SEL1L2: variants seen among roughly 807,000 people sequenced by gnomAD.
The protein encoded by SEL1L2 is SEL1L2 adaptor subunit of SYVN1 ubiquitin ligase.
In SEL1L2, 89 loss-of-function variants were observed where a neutral mutation model predicts 98.8. The ratio of observed to expected loss-of-function variants is 0.90; its 90% CI spans 0.76 to 1.07. The LOEUF is 1.07. SEL1L2 is among the 50% of genes least tolerant of loss of function. The probability of loss-of-function intolerance (pLI) is 0.00; values close to 1 mark genes in which losing one functional copy is unlikely to be tolerated. For missense variants in SEL1L2, 788 were observed against 812.0 expected (o/e 0.97, Z 0.36); for synonymous variants, 262 against 278.5 (o/e 0.94, Z 0.59).
In SEL1L2 at chr20:13,849,892, G is replaced by T. The variant is rs188156266; in HGVS notation, c.1948-288C>A. The T allele has an allele frequency of 1.0e-3, 565 of 540,240 alleles. 3 individuals carry two copies. Among genetic ancestry groups the T allele is most frequent in the Middle Eastern group, 6.1e-3 (12 of 1,976 alleles). 33.5% of individuals were successfully genotyped at this position (540,240 alleles called of 1,614,324 possible). On this transcript the variant is annotated intron_variant, in intron 19 of 19. Transcript: ENST00000284951. ...TGCCTACCAGTCTCGGCTATTGATG[G>T]TAAGAACTGTTTTGAAGAAGTATAT... is the stretch of plus-strand genomic sequence containing the variant.
chr20:13,974,749 T>G (rs1478061824), intron 1 of SEL1L2, among the ~76,000 whole-genome samples: 1 of 152,154 alleles, frequency 6.6e-6, no homozygotes, highest in Non-Finnish European at 1.5e-5. Flanking sequence ...ATTACCGGCA[T>G]GAGCCACTGC....
Position 13,887,867 on chromosome 20 carries a change from T to G in SEL1L2, c.664-17A>C. On this transcript the variant is annotated splice_polypyrimidine_tract_variant and intron_variant, in intron 7 of 19. Transcript: ENST00000284951. ...TCTGTACCCCTAAAACACAGACAGA[T>G]GCATTCTTAATATTCAAGACAATGC... 6.2e-7 allele frequency: 1 copy of G among 1,609,218 alleles called. No individual in the cohort carries two copies. The highest frequency in any genetic ancestry group is 8.5e-7 in the Non-Finnish European group (1 of 1,175,800).
At chr20:13,960,743 A>G (rs2050740563) in intron 1 of SEL1L2, among the ~76,000 whole-genome samples, 1 of 152,146 alleles carries the variant, frequency 6.6e-6, no homozygotes, top group African/African-American at 2.4e-5. Context: ...GGATGCTGAA[A>G]TTCCCACAAA....
intron 1 of SEL1L2, among the ~76,000 whole-genome samples, chr20:13,956,374 T>C (rs1043881653): frequency 6.6e-6 from 1 of 152,082 alleles, no homozygotes; most frequent in Non-Finnish European, 1.5e-5. Context: ...CATTCTGAAA[T>C]TGAGTTAATA....
intron 3 of SEL1L2, among the ~76,000 whole-genome samples, chr20:13,924,413 A>ATTTTCT (rs1404735675): frequency 6.7e-6 from 1 of 148,488 alleles, no homozygotes; most frequent in Non-Finnish European, 1.5e-5. Flanking sequence ...ATGAATACAC[A>ATTTTCT]TTTTCTTTTT....
At chr20:13,940,366 C>T (rs982872012) in intron 2 of SEL1L2, among the ~76,000 whole-genome samples, 3 of 152,012 alleles carry the variant, frequency 2.0e-5, no homozygotes, top group Non-Finnish European at 2.9e-5. Context: ...ACAGTAAGTA[C>T]GAATGCCCTA....
intron 10 of SEL1L2, among the ~76,000 whole-genome samples, chr20:13,884,975 G>A (rs892832783): frequency 3.9e-5 from 6 of 152,058 alleles, no homozygotes; most frequent in Admixed American, 6.6e-5. Flanking sequence ...ACTCCTTAAC[G>A]GTGATCCCCA....
chr20:13,995,034 C>A (rs898381041), upstream of SEL1L2: 2 of 152,258 alleles, frequency 1.3e-5, no homozygotes, highest in African/African-American at 4.8e-5. This position sits in a 1 kb window ranked among gnomAD's most constrained non-coding sequence, Gnocchi z 4.3. Flanking sequence ...TGGTGAAAAT[C>A]CTCCTCAACA....
intron 1 of SEL1L2, among the ~76,000 whole-genome samples, chr20:13,978,086 C>G (rs2051634046): frequency 6.6e-6 from 1 of 152,156 alleles, no homozygotes; most frequent in Non-Finnish European, 1.5e-5. Context: ...AGACATCACA[C>G]TACTTGACTT....
intron 5 of SEL1L2, among the ~76,000 whole-genome samples, chr20:13,903,451 A>G (rs1029203001): frequency 3.3e-5 from 5 of 152,190 alleles, no homozygotes; most frequent in Non-Finnish European, 2.9e-5. Context: ...TTCTGTCACC[A>G]TTCTTAGAAG....
chr20:13,937,470 G>A (rs1244706189), intron 2 of SEL1L2, among the ~76,000 whole-genome samples: 1 of 152,130 alleles, frequency 6.6e-6, no homozygotes, highest in African/African-American at 2.4e-5. Flanking sequence ...TCTAGGAGGT[G>A]GTGGGGGCTG....
At chr20:13,923,365 T>C (rs1364571116) in intron 3 of SEL1L2, among the ~76,000 whole-genome samples, 1 of 152,226 alleles carries the variant, frequency 6.6e-6, no homozygotes, top group African/African-American at 2.4e-5. Flanking sequence ...TGCATTGGGA[T>C]CAGGGAGCCC....
chr20:13,975,995 T>TGTTC (rs1171976888), intron 1 of SEL1L2, among the ~76,000 whole-genome samples: 1 of 148,524 alleles, frequency 6.7e-6, no homozygotes, highest in Non-Finnish European at 1.5e-5. Flanking sequence ...CAAGGTTTTT[T>TGTTC]GTTTGTTTGT....
At chr20:13,856,017 G>A (rs895992575) in intron 18 of SEL1L2, among the ~76,000 whole-genome samples, 1 of 152,246 alleles carries the variant, frequency 6.6e-6, no homozygotes, top group Non-Finnish European at 1.5e-5. Context: ...TGAGCAGAAA[G>A]TCAGACCTGA....
intron 18 of SEL1L2, chr20:13,851,221 T>G (rs957208686): frequency 1.3e-5 from 2 of 152,032 alleles, no homozygotes; most frequent in African/African-American, 4.8e-5. Context: ...AGTGATACTC[T>G]GTCTCAAAAG....
At chr20:13,990,826 G>A (rs1729100010), upstream of SEL1L2, among the ~76,000 whole-genome samples, 3 of 152,230 alleles carry the variant, frequency 2.0e-5, no homozygotes, top group Admixed American at 1.3e-4. Context: ...CCAGAAGTCC[G>A]ACTCGTACGT....
chr20:13,866,214 C>T (rs1293340473), intron 15 of SEL1L2, among the ~76,000 whole-genome samples: 1 of 152,090 alleles, frequency 6.6e-6, no homozygotes, highest in African/African-American at 2.4e-5. Flanking sequence ...ACATTAAGGT[C>T]CTAAAAGCAT....
intron 1 of SEL1L2, among the ~76,000 whole-genome samples, chr20:13,962,755 T>A (rs137897715): frequency 6.6e-6 from 1 of 152,098 alleles, no homozygotes; most frequent in South Asian, 2.1e-4. Context: ...GTCCTAGCAT[T>A]GAGAAAAGGA....
At chr20:13,942,848 C>T (rs557199499) in intron 2 of SEL1L2, among the ~76,000 whole-genome samples, 1 of 152,216 alleles carries the variant, frequency 6.6e-6, no homozygotes, top group Middle Eastern at 3.4e-3. Flanking sequence ...AGTTTTTCCT[C>T]CCTTAAAATA....
Sources: allele counts gnomAD v4.1 joint callset (sites outside exome capture counted in the v4.1 genomes callset), GRCh38; gene constraint gnomAD v4.1.1; non-coding constraint Gnocchi (gnomAD v3.1); transcripts MANE v1.5; gene names NCBI Gene and HGNC (gene_info 2026-07-23, HGNC 2026-07-21).